RYK: variants seen among roughly 807,000 people sequenced by gnomAD.
RYK encodes inactive tyrosine-protein kinase RYK.
RYK carries 21 observed loss-of-function variants against 70.2 expected under a neutral mutation model. The ratio of observed to expected loss-of-function variants is 0.30; its 90% CI spans 0.21 to 0.43. The LOEUF is 0.43. Ranked by LOEUF, RYK falls within the 20% of genes least tolerant of loss-of-function variation. The pLI is 1.00. For synonymous variants in RYK, 267 were observed against 278.0 expected (o/e 0.96, Z 0.39); for missense variants, 604 against 753.3 (o/e 0.80, Z 2.32).
At chr3:134,239,468 G>A (rs1393171903) in intron 1 of RYK, among the ~76,000 whole-genome samples, 2 of 151,578 alleles carry the variant, frequency 1.3e-5, no homozygotes, top group Non-Finnish European at 2.9e-5. Context: ...TCTCAAAAAG[G>A]GGGAAAAAAA....
chr3:134,160,802 C>T (rs1022307769), intron 13 of RYK, among the ~76,000 whole-genome samples: 1 of 152,148 alleles, frequency 6.6e-6, no homozygotes, highest in African/African-American at 2.4e-5. Flanking sequence ...TTGCGGTGAG[C>T]CGAGATCGCG....
chr3:134,238,407 G>T (rs182041700), intron 1 of RYK, among the ~76,000 whole-genome samples: 172 of 152,298 alleles, frequency 1.1e-3, no homozygotes, highest in African/African-American at 4.0e-3. Flanking sequence ...GCTTTCCAGA[G>T]AAAGAACGTA....
intron 1 of RYK, among the ~76,000 whole-genome samples, chr3:134,228,594 GAA>G (rs2014971319): frequency 6.6e-6 from 1 of 151,972 alleles, no homozygotes; most frequent in African/African-American, 2.4e-5. Flanking sequence ...GCCAGACACA[GAA>G]AGACAAATAC....
chr3:134,225,984 T>G (rs2014898160), intron 1 of RYK, among the ~76,000 whole-genome samples: 1 of 151,922 alleles, frequency 6.6e-6, no homozygotes, highest in African/African-American at 2.4e-5. Flanking sequence ...TTAGACCACA[T>G]GCATTTAAAA....
intron 1 of RYK, among the ~76,000 whole-genome samples, chr3:134,224,479 C>T (rs758306190): frequency 1.3e-5 from 2 of 152,194 alleles, no homozygotes; most frequent in Non-Finnish European, 2.9e-5. Context: ...GGACCAGGAA[C>T]GTGATTGCTA....
intron 3 of RYK, 75 bp from the exon 4 acceptor site, chr3:134,209,904 A>C: frequency 9.1e-7 from 1 of 1,097,738 alleles, no homozygotes; most frequent in Non-Finnish European, 1.3e-6. Context: ...GATTCTTTTA[A>C]ACATTTTAGA....
chr3:134,236,000 C>A (rs1401539151), intron 1 of RYK, among the ~76,000 whole-genome samples: 1 of 151,680 alleles, frequency 6.6e-6, no homozygotes, highest in East Asian at 1.9e-4. Context: ...CCAATGAGTG[C>A]CTTATTTGGG....
chr3:134,236,892 A>T (rs1199008285), intron 1 of RYK, among the ~76,000 whole-genome samples: 2 of 152,200 alleles, frequency 1.3e-5, no homozygotes, highest in Non-Finnish European at 2.9e-5. Context: ...TAGAATGCAC[A>T]GAATTTTTAA....
chr3:134,201,589 G>GA (rs1387438771), intron 6 of RYK, among the ~76,000 whole-genome samples: 34 of 152,210 alleles, frequency 2.2e-4, no homozygotes, highest in African/African-American at 8.2e-4. Context: ...AAGACTTCAT[G>GA]AAAGAGACAG....
In RYK at chr3:134,242,305, C is replaced by CA. The variant is rs1164147101; in HGVS notation, c.232+8117dup. 8.4e-3 allele frequency among the ~76,000 whole-genome samples: 957 copies of CA among 114,290 alleles called. 6 individuals are homozygous for CA. Among genetic ancestry groups the CA allele is most frequent in the African/African-American group, 0.018 (553 of 30,784 alleles). 75.0% of individuals were successfully genotyped at this position (114,290 alleles called of 152,430 possible). A position where few individuals can be genotyped will look rare whatever the true frequency, so the allele number is the denominator to read the frequency against. ...GGGTGACAAGAGCAAAACTCCGTCT[C>CA]AAAAAAAAAAAAAAGATAAGAATGA... On this transcript the variant is annotated intron_variant, in intron 1 of 14. Coordinates refer to ENST00000623711, the MANE Select transcript of RYK (RefSeq NM_002958.4).
intron 10 of RYK, chr3:134,179,553 AG>A (rs2013221713): frequency 6.6e-6 from 1 of 152,256 alleles, no homozygotes; most frequent in Non-Finnish European, 1.5e-5. Context: ...TAACCTGCCA[AG>A]GACAAAGAGC....
At chr3:134,190,204 C>T (rs1183175164) in intron 8 of RYK, among the ~76,000 whole-genome samples, 1 of 152,172 alleles carries the variant, frequency 6.6e-6, no homozygotes, top group Admixed American at 6.5e-5. Context: ...CTAGTCAATA[C>T]ATAGAGCTAC....
At chr3:134,212,160 T>G (rs9859680) in intron 2 of RYK, among the ~76,000 whole-genome samples, 14 of 148,912 alleles carry the variant, frequency 9.4e-5, no homozygotes, top group African/African-American at 3.3e-4. Flanking sequence ...AGATCCCCAT[T>G]TGACCTCTGG....
intron 13 of RYK, 63 bp downstream of exon 13, chr3:134,175,546 G>A (rs9858000): frequency 0.49 from 753,308 of 1,532,982 alleles, 189,773 homozygotes; most frequent in East Asian, 0.8. Flanking sequence ...AAAAATAGTA[G>A]AACATTTAAA....
intron 6 of RYK, among the ~76,000 whole-genome samples, chr3:134,195,936 A>T (rs1380536585): frequency 3.4e-5 from 5 of 148,062 alleles, no homozygotes; most frequent in African/African-American, 1.2e-4. Context: ...ATAAAGTGAC[A>T]GTCCATCTCA....
chr3:134,231,821 C>A (rs1442748267), intron 1 of RYK, among the ~76,000 whole-genome samples: 1 of 152,130 alleles, frequency 6.6e-6, no homozygotes, highest in Non-Finnish European at 1.5e-5. Flanking sequence ...TCAAACTATG[C>A]CACCCTCTAT....
At chr3:134,242,373 A>G (rs1480352017) in intron 1 of RYK, among the ~76,000 whole-genome samples, 1 of 152,182 alleles carries the variant, frequency 6.6e-6, no homozygotes, top group Non-Finnish European at 1.5e-5. Flanking sequence ...TGAACACACA[A>G]AAAGAATCAT....
Position 134,162,446 on chromosome 3 carries a change from T to A in RYK, c.1576-3073A>T, listed in dbSNP as rs76892899. On this transcript the variant is annotated intron_variant, in intron 13 of 14. Coordinates refer to ENST00000623711, the MANE Select transcript of RYK (RefSeq NM_002958.4). ...ATTAACATGGAGCAAAGTCCAGCCTTGAAGTCTATGCTCTGGGAGGAGGGG... is the reference window on the plus strand; with the variant it reads ...ATTAACATGGAGCAAAGTCCAGCCTAGAAGTCTATGCTCTGGGAGGAGGGG... 3.4e-4 allele frequency among the ~76,000 whole-genome samples: 51 copies of A among 152,228 alleles called. 2 individuals carry two copies. In the East Asian group the frequency reaches 9.7e-3, roughly 29 times the overall value.
At chr3:134,195,493 C>T (rs779232529) in intron 6 of RYK, among the ~76,000 whole-genome samples, 2 of 152,280 alleles carry the variant, frequency 1.3e-5, no homozygotes, top group East Asian at 1.9e-4. Context: ...TAGGGAACTA[C>T]GGATCATCTC....
Sources: allele counts gnomAD v4.1 joint callset (sites outside exome capture counted in the v4.1 genomes callset), GRCh38; gene constraint gnomAD v4.1.1; transcripts MANE v1.5; gene names NCBI Gene and HGNC (gene_info 2026-07-23, HGNC 2026-07-21).